PCDHA2: variants seen among roughly 807,000 people sequenced by gnomAD.
The protein encoded by PCDHA2 is protocadherin alpha-2.
In PCDHA2, 58 loss-of-function variants were observed where a neutral mutation model predicts 66.0. The ratio of observed to expected loss-of-function variants is 0.88; its 90% CI spans 0.71 to 1.09. PCDHA2 has a LOEUF of 1.09. Ranked by LOEUF, PCDHA2 falls within the 50% of genes least tolerant of loss-of-function variation. The pLI is 0.00. For synonymous variants in PCDHA2, 634 were observed against 554.0 expected (o/e 1.14, Z -2.03); for missense variants, 1,267 against 1,242.3 (o/e 1.02, Z -0.30).
At chr5:140,841,324 G>A in intron 1 of PCDHA2, 1 of 1,601,518 alleles carries the variant, frequency 6.2e-7, no homozygotes. Flanking sequence ...TATTTAACAT[G>A]GATTATCACT....
In PCDHA2 at chr5:140,881,260, A is replaced by G. The variant is rs1223751140; in HGVS notation, c.2388+83908A>G. The G allele has an allele frequency of 7.6e-6, 4 of 528,232 alleles. No individual in the cohort carries two copies. In the African/African-American group the frequency reaches 8.2e-5, roughly 11 times the overall value. The allele number at this position is 528,232 out of a possible 1,614,324, so 32.7% of individuals were successfully genotyped here. On this transcript the variant is annotated intron_variant, in intron 1 of 3. Transcript: ENST00000526136. ...TTTAAATGACGGCAAGGTTTTACTC[A>G]GTGATGATGAAGTAAGATGGAGAGA... is the stretch of plus-strand genomic sequence containing the variant.
chr5:140,805,002 A>T, intron 1 of PCDHA2: 2 of 1,535,512 alleles, frequency 1.3e-6, no homozygotes, highest in Non-Finnish European at 1.7e-6. Flanking sequence ...TTAAAAATTT[A>T]GTTCTGTTAT....
chr5:140,829,163 C>G, intron 1 of PCDHA2: 24 of 1,614,024 alleles, frequency 1.5e-5, no homozygotes, highest in Non-Finnish European at 2.0e-5. Flanking sequence ...CTTATCCTTG[C>G]CTGTACGTGA....
At chr5:140,962,455 A>G (rs571453201) in intron 1 of PCDHA2, among the ~76,000 whole-genome samples, 4 of 152,246 alleles carry the variant, frequency 2.6e-5, no homozygotes, top group Non-Finnish European at 4.4e-5. Flanking sequence ...TGAATCTCTT[A>G]TGGCTTGAAT....
At chr5:140,872,957 C>T (rs2054004795) in intron 1 of PCDHA2, among the ~76,000 whole-genome samples, 1 of 152,138 alleles carries the variant, frequency 6.6e-6, no homozygotes, top group African/African-American at 2.4e-5. Flanking sequence ...CACGTAGTAT[C>T]ATCCCATCTG....
intron 1 of PCDHA2, among the ~76,000 whole-genome samples, chr5:140,832,641 T>C (rs1772090459): frequency 6.6e-6 from 1 of 152,130 alleles, no homozygotes; most frequent in African/African-American, 2.4e-5. Flanking sequence ...CCTAGGAGGG[T>C]CTTTAAGAGT....
chr5:140,845,731 C>A (rs1420659203), intron 1 of PCDHA2, among the ~76,000 whole-genome samples: 1 of 149,400 alleles, frequency 6.7e-6, no homozygotes, highest in Non-Finnish European at 1.5e-5. Context: ...AATGTGAATT[C>A]TACTTTATAG....
At chr5:140,883,008 AT>A in intron 1 of PCDHA2, 1 of 1,614,178 alleles carries the variant, frequency 6.2e-7, no homozygotes, top group Non-Finnish European at 8.5e-7. Context: ...CAATCCGTTT[AT>A]AAAGTGACGG....
At chr5:140,867,400 T>C (rs544481917) in intron 1 of PCDHA2, 18 of 152,290 alleles carry the variant, frequency 1.2e-4, no homozygotes, top group African/African-American at 3.8e-4. Context: ...AAAGTTGATA[T>C]GTCTCCTTTA....
chr5:140,839,950 C>T (rs1554137654), intron 1 of PCDHA2, among the ~76,000 whole-genome samples: 2 of 152,022 alleles, frequency 1.3e-5, no homozygotes, highest in Non-Finnish European at 2.9e-5. Context: ...AAGGAGACAA[C>T]ATATTTTCTG....
chr5:140,832,463 A>G (rs1009680795), intron 1 of PCDHA2, among the ~76,000 whole-genome samples: 1 of 152,236 alleles, frequency 6.6e-6, no homozygotes, highest in South Asian at 2.1e-4. Context: ...TTGCACTAAA[A>G]TTTAAAAAAA....
intron 1 of PCDHA2, chr5:140,864,038 C>T (rs541763378): frequency 1.2e-4 from 19 of 153,004 alleles, no homozygotes; most frequent in African/African-American, 4.6e-4. Context: ...CCATCTTAAT[C>T]ACTTTTTACT....
At position 140,950,241 on chromosome 5, in the gene PCDHA2, G is replaced by A. The variant is rs191139851; in HGVS notation, c.2389-28708G>A. 3.8e-4 allele frequency among the ~76,000 whole-genome samples: 58 copies of A among 152,014 alleles called. 1 individual carries two copies. The highest frequency in any genetic ancestry group is 6.8e-3 in the Middle Eastern group (2 of 294). On this transcript the variant is annotated intron_variant, in intron 1 of 3. Coordinates refer to ENST00000526136, the MANE Select transcript of PCDHA2 (RefSeq NM_018905.3). The stretch of plus-strand genomic sequence containing the variant: ...TTACCATTTCTAGTGCCATTAATTT[G>A]TTCCTAAAGAGCTGAGTTTATCCAT...
In PCDHA2 at chr5:141,010,166, A is replaced by G; in HGVS notation, c.*229A>G. 1 of 1,562,828 alleles carries G rather than the reference A, an allele frequency of 6.4e-7. No homozygotes were observed. The highest frequency in any genetic ancestry group is 8.7e-7 in the Non-Finnish European group (1 of 1,152,678). ...TCTCTCCACTCTGGCTTGTTTTCAG[A>G]ACCTAAAAAGCAGACCCAAGTTTCC... On this transcript the variant is annotated 3_prime_UTR_variant, in exon 4 of 4. Transcript: ENST00000526136.
At chr5:140,819,439 A>C (rs1299042347) in intron 1 of PCDHA2, among the ~76,000 whole-genome samples, 2 of 152,158 alleles carry the variant, frequency 1.3e-5, no homozygotes, top group African/African-American at 4.8e-5. Context: ...TTTAAATCTA[A>C]ATTTTTTTCT....
intron 1 of PCDHA2, chr5:140,850,018 T>A: frequency 1.3e-6 from 2 of 1,596,890 alleles, no homozygotes; most frequent in Non-Finnish European, 1.7e-6. Context: ...TCGAGCTACG[T>A]GTCAGTGCAC....
Position 140,846,720 on chromosome 5 carries a change from C to A in PCDHA2, c.2388+49368C>A, listed in dbSNP as rs1311468002. 2.7e-5 allele frequency among the ~76,000 whole-genome samples: 4 copies of A among 149,248 alleles called. 1 individual carries two copies. The highest frequency in any genetic ancestry group is 9.8e-5 in the African/African-American group (4 of 40,682). ...AGAGAAGATTGTAATAACCAGTCTT[C>A]ATTAAACATTAAATAGGACCCTTAC... is the stretch of plus-strand genomic sequence containing the variant. On this transcript the variant is annotated intron_variant, in intron 1 of 3. Transcript: ENST00000526136.
Position 140,824,271 on chromosome 5 carries a change from T to C in PCDHA2, c.2388+26919T>C, listed in dbSNP as rs1428906460. 2.5e-6 allele frequency: 3 copies of C among 1,216,294 alleles called. No individual in the cohort carries two copies. The African/African-American group carries it at 4.5e-5, about 18-fold the overall frequency. 75.3% of individuals were successfully genotyped at this position (1,216,294 alleles called of 1,614,324 possible). A position where few individuals can be genotyped will look rare whatever the true frequency, so the allele number is the denominator to read the frequency against. ...ACAATTATTGCACTAATTCATGTAT[T>C]ATATGCTTTTTATGAGGCTTTTCTG... On this transcript the variant is annotated intron_variant, in intron 1 of 3. Coordinates refer to ENST00000526136, the MANE Select transcript of PCDHA2 (RefSeq NM_018905.3).
In PCDHA2 at chr5:140,981,687, ATCATTCATTCAT is replaced by A. The variant is rs200213847; in HGVS notation, c.2448-771_2448-760del. Among the ~76,000 whole-genome samples the A allele has an allele frequency of 3.0e-3, 453 of 152,088 alleles. 7 individuals are homozygous for A. In the East Asian group the frequency reaches 0.044, roughly 15 times the overall value. Reference sequence around the variant, plus strand: ...CTTCCTTTCTTCCTTCCTCCCTTCCATCATTCATTCATTCATTCATTCATTCATCCAACAAAT... The same window carrying A: ...CTTCCTTTCTTCCTTCCTCCCTTCCATCATTCATTCATTCATCCAACAAAT... On this transcript the variant is annotated intron_variant, in intron 2 of 3. Transcript: ENST00000526136.
Sources: allele counts gnomAD v4.1 joint callset (sites outside exome capture counted in the v4.1 genomes callset), GRCh38; gene constraint gnomAD v4.1.1; transcripts MANE v1.5; gene names NCBI Gene and HGNC (gene_info 2026-07-23, HGNC 2026-07-21).